EFR3A: variants seen among roughly 807,000 people sequenced by gnomAD.
EFR3A encodes the protein protein EFR3 homolog A.
In EFR3A, 76 loss-of-function variants were observed where a neutral mutation model predicts 104.4. That is an observed-to-expected ratio of 0.73 (90% CI 0.60 to 0.88). The LOEUF (loss-of-function observed/expected upper bound fraction) is 0.88, where lower values mean the gene tolerates loss of function less well. EFR3A is among the 40% of genes least tolerant of loss of function. The pLI is 0.00. For synonymous variants in EFR3A, 330 were observed against 330.0 expected (o/e 1.00, Z 0.00); for missense variants, 985 against 1,012.5 (o/e 0.97, Z 0.37).
intron 8 of EFR3A, among the ~76,000 whole-genome samples, chr8:131,963,885 G>C (rs562975789): frequency 6.6e-6 from 1 of 152,256 alleles, no homozygotes; most frequent in East Asian, 1.9e-4. Context: ...GATCAAGTGG[G>C]CTTCATCCCT....
At chr8:131,992,124 G>A (rs909793426) in intron 18 of EFR3A, among the ~76,000 whole-genome samples, 6 of 152,094 alleles carry the variant, frequency 3.9e-5, no homozygotes, top group Non-Finnish European at 7.3e-5. Context: ...TCCTTTGAGA[G>A]AAGCCCTTAT....
chr8:132,002,048 T>C (rs1821807819), intron 20 of EFR3A, among the ~76,000 whole-genome samples: 1 of 152,174 alleles, frequency 6.6e-6, no homozygotes, highest in South Asian at 2.1e-4. Context: ...AAAGAAGACA[T>C]TTATTAATTT....
intron 1 of EFR3A, 38 bp downstream of exon 1, chr8:131,904,360 G>T (rs1816132735): frequency 8.0e-7 from 1 of 1,245,038 alleles, no homozygotes; most frequent in South Asian, 3.4e-5. Context: ...GTTGGGAGGC[G>T]ACTGCCTGCG....
At chr8:131,904,898 A>C (rs1002676427) in intron 1 of EFR3A, among the ~76,000 whole-genome samples, 1 of 152,154 alleles carries the variant, frequency 6.6e-6, no homozygotes, top group Non-Finnish European at 1.5e-5. Context: ...CAGATGATTA[A>C]AAATGCCGGT....
intron 8 of EFR3A, among the ~76,000 whole-genome samples, chr8:131,963,094 C>T (rs888370707): frequency 2.6e-4 from 40 of 152,164 alleles, no homozygotes; most frequent in African/African-American, 9.2e-4. Context: ...ATTTATAGCA[C>T]TAAATGCCCA....
intron 9 of EFR3A, among the ~76,000 whole-genome samples, chr8:131,970,145 C>G (rs962964348): frequency 2.6e-5 from 4 of 152,084 alleles, no homozygotes; most frequent in African/African-American, 9.7e-5. Flanking sequence ...AAATATTGTC[C>G]TAGTACACAT....
At chr8:131,971,685 CAA>C (rs34769645) in intron 10 of EFR3A, among the ~76,000 whole-genome samples, 96 of 126,194 alleles carry the variant, frequency 7.6e-4, no homozygotes, top group Middle Eastern at 4.1e-3. Flanking sequence ...GACTCCGTCT[CAA>C]AAAAAAAAAA....
At chr8:131,918,163 T>A (rs1816832741) in intron 1 of EFR3A, among the ~76,000 whole-genome samples, 1 of 152,152 alleles carries the variant, frequency 6.6e-6, no homozygotes, top group Admixed American at 6.5e-5. Context: ...GGCGCATGCC[T>A]GCAATTCCAG....
rs949880105 is a variant in EFR3A at position 132,012,856 on chromosome 8, G to C, written c.*1961G>C. ...GTTTCTTAGTGATTTTAAAATGCAT[G>C]TATTGCATGTAAAGGAAAACCATTA... On this transcript the variant is annotated 3_prime_UTR_variant, in exon 23 of 23. Coordinates refer to ENST00000254624, the MANE Select transcript of EFR3A (RefSeq NM_015137.6). The C allele has an allele frequency of 3.3e-5, 5 of 152,246 alleles. No homozygotes were observed. The highest frequency in any genetic ancestry group is 7.4e-5 in the Non-Finnish European group (5 of 68,024). 9.4% of individuals were successfully genotyped at this position (152,246 alleles called of 1,614,324 possible). A position where few individuals can be genotyped will look rare whatever the true frequency, so the allele number is the denominator to read the frequency against.
chr8:131,991,174 A>G (rs181761403), intron 18 of EFR3A, among the ~76,000 whole-genome samples: 18 of 152,296 alleles, frequency 1.2e-4, no homozygotes, highest in South Asian at 4.1e-4. Context: ...AAGCAAAAGC[A>G]GAAACCCCTG....
intron 1 of EFR3A, among the ~76,000 whole-genome samples, chr8:131,937,246 G>T (rs1817943122): frequency 6.6e-6 from 1 of 152,036 alleles, no homozygotes; most frequent in Non-Finnish European, 1.5e-5. Flanking sequence ...CATAAAAAAA[G>T]AGCTTATTAA....
At chr8:131,980,844 C>CT (rs2130740526) in intron 14 of EFR3A, among the ~76,000 whole-genome samples, 1 of 152,174 alleles carries the variant, frequency 6.6e-6, no homozygotes, top group East Asian at 1.9e-4. Context: ...CCAGCTCTTG[C>CT]TAACCACCAT....
intron 14 of EFR3A, 73 bp downstream of exon 14, chr8:131,979,494 T>A (rs1820495187): frequency 9.4e-7 from 1 of 1,065,950 alleles, no homozygotes; most frequent in Non-Finnish European, 1.4e-6. Context: ...GGTTTTATAT[T>A]GATCTGTGCC....
At chr8:131,947,945 T>C (rs1053128042) in intron 4 of EFR3A, among the ~76,000 whole-genome samples, 8 of 152,206 alleles carry the variant, frequency 5.3e-5, no homozygotes, top group Admixed American at 2.0e-4. Context: ...TGAACCATTG[T>C]CCCTTAAAAT....
chr8:131,916,732 CA>C (rs1816760150), intron 1 of EFR3A, among the ~76,000 whole-genome samples: 1 of 152,156 alleles, frequency 6.6e-6, no homozygotes, highest in African/African-American at 2.4e-5. Context: ...ATGCAAGACT[CA>C]AATGACTCAC....
chr8:131,936,670 A>G (rs1397252937), intron 1 of EFR3A, among the ~76,000 whole-genome samples: 1 of 152,142 alleles, frequency 6.6e-6, no homozygotes, highest in East Asian at 1.9e-4. Flanking sequence ...AGAGTGGCTC[A>G]CAGAACTTAG....
At chr8:131,959,259 T>C (rs1254788333) in intron 7 of EFR3A, among the ~76,000 whole-genome samples, 1 of 152,172 alleles carries the variant, frequency 6.6e-6, no homozygotes. Context: ...TGTCCTTCAT[T>C]CACCCTCTTT....
intron 22 of EFR3A, among the ~76,000 whole-genome samples, chr8:132,004,007 CTG>C (rs1428854985): frequency 6.6e-6 from 1 of 152,100 alleles, no homozygotes; most frequent in Non-Finnish European, 1.5e-5. Context: ...TTAATTAAGT[CTG>C]TTTTTCTTCA....
chr8:131,971,496 A>G lies in EFR3A; in HGVS notation c.1159+853A>G, dbSNP rs530413095. On this transcript the variant is annotated intron_variant, in intron 10 of 22. Coordinates refer to ENST00000254624, the MANE Select transcript of EFR3A (RefSeq NM_015137.6). ...GAGGTCAGGAGATCAAGACCATCCT[A>G]GCTAACACGGTGAAACCCCGTCTCT... 1.9e-3 allele frequency among the ~76,000 whole-genome samples: 289 copies of G among 151,970 alleles called. 2 individuals carry two copies. Among genetic ancestry groups the G allele is most frequent in the African/African-American group, 6.6e-3 (272 of 41,470 alleles).
Sources: gnomAD v4.1 joint callset for allele counts (sites outside exome capture counted in the v4.1 genomes callset) on GRCh38, gnomAD v4.1.1 for gene constraint, MANE v1.5 for transcripts, NCBI Gene and HGNC (gene_info 2026-07-23, HGNC 2026-07-21) for gene names.